ATP6V0A1: variants seen among roughly 807,000 people sequenced by gnomAD.
The protein encoded by ATP6V0A1 is V-type proton ATPase 116 kDa subunit a 1.
A neutral mutation model predicts 105.4 loss-of-function variants in ATP6V0A1; 43 were observed. That is an observed-to-expected ratio of 0.41 (90% CI 0.32 to 0.53). The LOEUF (loss-of-function observed/expected upper bound fraction) is 0.53, where lower values mean the gene tolerates loss of function less well. Ranked by LOEUF, ATP6V0A1 falls within the 20% of genes least tolerant of loss-of-function variation. The pLI is 0.30. For missense variants in ATP6V0A1, 676 were observed against 1,051.1 expected (o/e 0.64, Z 4.93); for synonymous variants, 362 against 372.8 (o/e 0.97, Z 0.33).
chr17:42,511,875 A>T (rs1599112033), intron 19 of ATP6V0A1, among the ~76,000 whole-genome samples: 1 of 152,144 alleles, frequency 6.6e-6, no homozygotes, highest in Non-Finnish European at 1.5e-5. Flanking sequence ...AGGCAGGAGA[A>T]TTGCTTGAAC....
rs760669174 is a variant in ATP6V0A1, at chr17:42,495,646, A to G, written c.1490A>G (p.Asn497Ser). The stretch of plus-strand genomic sequence containing the variant: ...GGTAGTGAAGAGACGCTTCGGGGGA[A>G]CCCTGTTCTACAGCTGAACCCAGCC... ...YNWTEETLRG[N>S]PVLQLNPALP... The change falls in exon 14 of 22, where the codon AAC becomes AGC. Residue 497 changes from asparagine to serine, a missense_variant. Coordinates refer to ENST00000343619, the MANE Select transcript of ATP6V0A1 (RefSeq NM_001130021.3). 1.4e-5 allele frequency: 22 copies of G among 1,613,616 alleles called. No individual in the cohort carries two copies. The highest frequency in any genetic ancestry group is 3.3e-4 in the Middle Eastern group (2 of 6,084).
At chr17:42,498,881 A>G in intron 14 of ATP6V0A1, 43 bp from the exon 15 acceptor site, 1 of 1,324,802 alleles carries the variant, frequency 7.5e-7, no homozygotes, top group South Asian at 1.2e-5. Flanking sequence ...TTTCCCTTTG[A>G]GAATTCTTTA....
chr17:42,504,388 C>T (rs1487790133), intron 17 of ATP6V0A1, among the ~76,000 whole-genome samples: 1 of 152,122 alleles, frequency 6.6e-6, no homozygotes, highest in East Asian at 1.9e-4. Context: ...GGAGATTTAA[C>T]CTGTCTGCTC....
At chr17:42,467,906 A>G (rs555205009) in intron 3 of ATP6V0A1, 104 bp from the exon 4 acceptor site, 2 of 445,028 alleles carry the variant, frequency 4.5e-6, no homozygotes, top group East Asian at 1.0e-4. Flanking sequence ...TTTTTTGAAT[A>G]AAACTTTTTG....
At chr17:42,506,099 T>C (rs1345747391) in intron 17 of ATP6V0A1, among the ~76,000 whole-genome samples, 2 of 152,226 alleles carry the variant, frequency 1.3e-5, no homozygotes, top group African/African-American at 4.8e-5. Flanking sequence ...CTTATCCATA[T>C]ACCTTGCCAA....
At chr17:42,474,106 G>A (rs572990056) in intron 5 of ATP6V0A1, among the ~76,000 whole-genome samples, 1 of 151,826 alleles carries the variant, frequency 6.6e-6, no homozygotes, top group African/African-American at 2.4e-5. Context: ...GGGTTCAAGC[G>A]ATTCTCCTGC....
chr17:42,483,111 A>T lies in ATP6V0A1; in HGVS notation c.790A>T (p.Arg264Trp). ...GGAAATGGCTTCTGGAGTGAATACC[A>T]GGATTGATGATCTCCAAATGGTATG... ...RKEMASGVNT[R>W]IDDLQMVLNQ... Residue 264 changes from arginine to tryptophan, a missense_variant, in exon 9 of 22, where the codon AGG (arginine) becomes TGG (tryptophan). Physicochemically the swap from Arg to Trp is moderately radical, Grantham distance 101. This residue lies in a region of ATP6V0A1 where 239 missense variants were observed against 388.4 expected (regional missense o/e 0.62). Transcript: ENST00000343619. 6.5e-7 allele frequency: 1 copy of T among 1,544,530 alleles called. No individual in the cohort carries two copies. Among genetic ancestry groups the T allele is most frequent in the Non-Finnish European group, 8.8e-7 (1 of 1,140,474 alleles).
chr17:42,520,819 G>A, intron 21 of ATP6V0A1: 1 of 562,764 alleles, frequency 1.8e-6, no homozygotes, highest in Admixed American at 3.1e-5. Flanking sequence ...ATTGGGAACT[G>A]AGGGCAAATC....
chr17:42,470,311 T>C (rs1389485295), intron 5 of ATP6V0A1, 93 bp downstream of exon 5: 5 of 1,489,528 alleles, frequency 3.4e-6, no homozygotes, highest in Non-Finnish European at 4.6e-6. Context: ...TTTAATTTGC[T>C]AGTTTGGAAG....
At chr17:42,499,752 C>T (rs2091511166) in intron 15 of ATP6V0A1, among the ~76,000 whole-genome samples, 1 of 150,760 alleles carries the variant, frequency 6.6e-6, no homozygotes, top group African/African-American at 2.4e-5. Flanking sequence ...AACACCACTG[C>T]ACTCCAGTCG....
Position 42,460,910 on chromosome 17 carries a change from C to T in ATP6V0A1, c.16C>T (p.Arg6Trp), listed in dbSNP as rs1243690493. ...TTCTGCCACCATGGGGGAGCTTTTC[C>T]GGAGTGAAGAAATGACACTGGCCCA... MGELF[R>W]SEEMTLAQLF... The change falls in exon 2 of 22, where the codon CGG becomes TGG. Residue 6 changes from arginine (R) to tryptophan (W), a missense_variant. Transcript: ENST00000343619. The T allele has an allele frequency of 5.6e-6, 9 of 1,613,734 alleles. No individual in the cohort carries two copies. Among genetic ancestry groups the T allele is most frequent in the South Asian group, 4.4e-5 (4 of 91,058 alleles).
chr17:42,487,367 G>A lies in ATP6V0A1; in HGVS notation c.1023G>A (p.Thr341=), dbSNP rs1027858517. 3.7e-6 allele frequency: 6 copies of A among 1,613,028 alleles called. No individual in the cohort carries two copies. Among genetic ancestry groups the A allele is most frequent in the Non-Finnish European group, 4.2e-6 (5 of 1,179,674 alleles). The change falls in exon 10 of 22, where the codon ACG becomes ACA. Residue 341 remains threonine (T), a splice_region_variant and synonymous_variant. Transcript: ENST00000343619. ...TCCAGTTTGCACTCAGAAGGGGCAC[G>A]GTGAGTCCCCAAAGCTAACAATGCA... ...DSIQFALRRG[T]EHSGSTVPSI...
chr17:42,466,792 T>C (rs1030059829), intron 3 of ATP6V0A1, among the ~76,000 whole-genome samples: 15 of 152,120 alleles, frequency 9.9e-5, no homozygotes, highest in Non-Finnish European at 2.1e-4. Context: ...TTTTGAGAAA[T>C]AGGACCCAGC....
chr17:42,508,523 C>T (rs1427164803), intron 18 of ATP6V0A1, 49 bp from the exon 19 acceptor site: 2 of 1,612,186 alleles, frequency 1.2e-6, no homozygotes, highest in African/African-American at 1.3e-5. Context: ...TAACTTGTGA[C>T]CTTGTGTGTG....
At chr17:42,504,693 A>G (rs557125910) in intron 17 of ATP6V0A1, among the ~76,000 whole-genome samples, 9 of 152,340 alleles carry the variant, frequency 5.9e-5, no homozygotes, top group Non-Finnish European at 1.3e-4. Flanking sequence ...GGAAGAAGAA[A>G]TAAAAGTGGC....
At chr17:42,520,527 C>G (rs1328736219) in intron 21 of ATP6V0A1, 2 of 456,766 alleles carry the variant, frequency 4.4e-6, no homozygotes, top group East Asian at 1.4e-4. Flanking sequence ...AACTCCCCCT[C>G]TTTCCTTGGA....
intron 21 of ATP6V0A1, among the ~76,000 whole-genome samples, chr17:42,515,661 G>A (rs1329964213): frequency 1.3e-5 from 2 of 151,952 alleles, no homozygotes; most frequent in African/African-American, 4.8e-5. Context: ...GGTGGTGCAT[G>A]CCTGGAATCT....
chr17:42,513,592 T>C (rs2092458687), intron 19 of ATP6V0A1: 1 of 395,084 alleles, frequency 2.5e-6, no homozygotes, highest in African/African-American at 2.0e-5. Flanking sequence ...TATTAAGATG[T>C]AGTTAATTAA....
chr17:42,517,305 CAAA>C (rs571125471), intron 21 of ATP6V0A1, among the ~76,000 whole-genome samples: 1,676 of 149,282 alleles, frequency 0.011, 13 homozygotes, highest in Non-Finnish European at 0.017. Context: ...ACAACAACAA[CAAA>C]AAAACCTGGG....
Sources: allele counts gnomAD v4.1 joint callset (sites outside exome capture counted in the v4.1 genomes callset), GRCh38; gene constraint gnomAD v4.1.1; regional missense constraint gnomAD v4.1.1; transcripts MANE v1.5; gene names NCBI Gene and HGNC (gene_info 2026-07-23, HGNC 2026-07-21).